Variants in ZNF385D observed in about 807,000 individuals in gnomAD.
ZNF385D encodes zinc finger protein 385D, also known as zinc finger protein 659.
A neutral mutation model predicts 35.8 loss-of-function variants in ZNF385D; 15 were observed. That is an observed-to-expected ratio of 0.42 (90% CI 0.28 to 0.64). The LOEUF (loss-of-function observed/expected upper bound fraction) is 0.64. Among genes scored for constraint, ZNF385D ranks in the 30% least tolerant of loss-of-function variants. The pLI, the probability that ZNF385D is intolerant of heterozygous loss-of-function variation, is 0.23. For synonymous variants in ZNF385D, 212 were observed against 186.8 expected (o/e 1.13, Z -1.10); for missense variants, 474 against 494.6 (o/e 0.96, Z 0.39).
chr3:21,458,100 A>G (rs565299808), intron 4 of ZNF385D, among the ~76,000 whole-genome samples: 2 of 152,234 alleles, frequency 1.3e-5, no homozygotes, highest in East Asian at 3.9e-4. Flanking sequence ...TGCAGGGCAA[A>G]AAGACTGTAG....
At chr3:21,853,739 G>A (rs1336486643) in intron 3 of ZNF385D, among the ~76,000 whole-genome samples, 1 of 151,666 alleles carries the variant, frequency 6.6e-6, no homozygotes, top group Non-Finnish European at 1.5e-5. Context: ...TTCCTCATCT[G>A]TAAAAAAGAG....
chr3:22,007,684 G>A (rs565741439), intron 3 of ZNF385D, among the ~76,000 whole-genome samples: 1 of 152,252 alleles, frequency 6.6e-6, no homozygotes, highest in African/African-American at 2.4e-5. Flanking sequence ...AATCTGATAA[G>A]TGAGAAATGA....
intron 3 of ZNF385D, among the ~76,000 whole-genome samples, chr3:21,828,366 T>C (rs1392797013): frequency 6.6e-6 from 1 of 152,226 alleles, no homozygotes; most frequent in African/African-American, 2.4e-5. Flanking sequence ...ATTTTAAACA[T>C]CTTCTGAATG....
upstream of ZNF385D, among the ~76,000 whole-genome samples, chr3:21,753,621 T>A (rs1002787168): frequency 7.2e-5 from 11 of 152,218 alleles, no homozygotes; most frequent in African/African-American, 2.4e-4. Flanking sequence ...TTAAGGCTTA[T>A]CTGGAATGTA....
At chr3:21,453,213 T>C (rs3965402) in intron 4 of ZNF385D, among the ~76,000 whole-genome samples, 91,614 of 150,590 alleles carry the variant, frequency 0.61, 28,460 homozygotes, top group East Asian at 0.8. Context: ...ACACCGCATG[T>C]CATTCAAAAT....
intron 2 of ZNF385D, among the ~76,000 whole-genome samples, chr3:22,318,024 T>G (rs116548053): frequency 0.013 from 1,900 of 151,860 alleles, 42 homozygotes; most frequent in African/African-American, 0.042. Context: ...CGCTACTGCA[T>G]TCCAGCCTGG....
chr3:22,098,417 G>A (rs1489138457), intron 3 of ZNF385D, among the ~76,000 whole-genome samples: 1 of 152,010 alleles, frequency 6.6e-6, no homozygotes, highest in African/African-American at 2.4e-5. Context: ...GGAAAAGGGA[G>A]CATTTGGGAG....
intron 3 of ZNF385D, among the ~76,000 whole-genome samples, chr3:21,792,870 T>A (rs2071988422): frequency 6.6e-6 from 1 of 152,190 alleles, no homozygotes; most frequent in South Asian, 2.1e-4. Flanking sequence ...TTCTTCTGGT[T>A]TTGTGCATTT....
chr3:22,161,708 G>T (rs1705963205), intron 3 of ZNF385D, among the ~76,000 whole-genome samples: 2 of 152,134 alleles, frequency 1.3e-5, no homozygotes, highest in Non-Finnish European at 2.9e-5. Flanking sequence ...CTATTTACAT[G>T]ACTATTTTAT....
At chr3:22,092,492 T>A (rs1701385065) in intron 3 of ZNF385D, among the ~76,000 whole-genome samples, 1 of 152,152 alleles carries the variant, frequency 6.6e-6, no homozygotes, top group African/African-American at 2.4e-5. Context: ...CTTCTACTGA[T>A]ATCTTCCTGA....
chr3:22,033,267 T>G (rs565826135), intron 3 of ZNF385D, among the ~76,000 whole-genome samples: 2 of 151,766 alleles, frequency 1.3e-5, no homozygotes, highest in Non-Finnish European at 2.9e-5. Flanking sequence ...CCTGGCATGG[T>G]GGCGCGTGCC....
intron 3 of ZNF385D, among the ~76,000 whole-genome samples, chr3:21,987,108 T>C (rs1262657185): frequency 6.5e-5 from 8 of 122,648 alleles, no homozygotes; most frequent in Non-Finnish European, 6.6e-5. Flanking sequence ...CTGATGGGTC[T>C]TGACTCTTTA....
chr3:21,860,894 A>G (rs1333884625), intron 3 of ZNF385D, among the ~76,000 whole-genome samples: 1 of 152,098 alleles, frequency 6.6e-6, no homozygotes, highest in African/African-American at 2.4e-5. Context: ...AATAACATCC[A>G]TTTAGATTCG....
intron 3 of ZNF385D, among the ~76,000 whole-genome samples, chr3:21,794,474 G>T (rs912768252): frequency 1.3e-5 from 2 of 152,072 alleles, no homozygotes; most frequent in Admixed American, 1.3e-4. Flanking sequence ...AGACTGGGTA[G>T]CTTATACACA....
At chr3:21,987,390 C>T (rs1321393003) in intron 3 of ZNF385D, among the ~76,000 whole-genome samples, 3 of 118,624 alleles carry the variant, frequency 2.5e-5, no homozygotes, top group Admixed American at 1.5e-4. Flanking sequence ...TCAGCATTTG[C>T]TTGTCTGTAA....
chr3:21,472,838 T>A (rs1575211308), intron 4 of ZNF385D, among the ~76,000 whole-genome samples: 1 of 152,292 alleles, frequency 6.6e-6, no homozygotes, highest in South Asian at 2.1e-4. Flanking sequence ...TTGCATCGCC[T>A]GCCCACATTG....
chr3:21,750,488 T>C (rs1379106286), intron 1 of ZNF385D, among the ~76,000 whole-genome samples: 1 of 152,034 alleles, frequency 6.6e-6, no homozygotes, highest in Non-Finnish European at 1.5e-5. Flanking sequence ...AAATACTGAA[T>C]GAAATGCTCA....
intron 3 of ZNF385D, among the ~76,000 whole-genome samples, chr3:22,142,261 C>G (rs951452698): frequency 6.6e-6 from 1 of 151,892 alleles, no homozygotes; most frequent in African/African-American, 2.4e-5. Flanking sequence ...ATTTCTTTAC[C>G]AGCTTTTTAC....
chr3:22,210,977 G>T (rs1421145929), intron 2 of ZNF385D, among the ~76,000 whole-genome samples: 2 of 151,912 alleles, frequency 1.3e-5, no homozygotes, highest in Admixed American at 1.3e-4. Context: ...CTTAAAACAA[G>T]TTTTGAAAAT....
Sources: gnomAD v4.1 joint callset for allele counts (sites outside exome capture counted in the v4.1 genomes callset) on GRCh38, gnomAD v4.1.1 for gene constraint, MANE v1.5 for transcripts, NCBI Gene and HGNC (gene_info 2026-07-23, HGNC 2026-07-21) for gene names.